HHAT: variants seen among roughly 807,000 people sequenced by gnomAD.
HHAT encodes the protein protein-cysteine N-palmitoyltransferase HHAT.
A neutral mutation model predicts 70.8 loss-of-function variants in HHAT; 47 were observed. The observed-to-expected ratio is 0.66, with a 90% CI of 0.53 to 0.85. The LOEUF (loss-of-function observed/expected upper bound fraction) is 0.85. HHAT is among the 40% of genes least tolerant of loss of function. The probability of loss-of-function intolerance (pLI) is 0.00; values close to 1 mark genes in which losing one functional copy is unlikely to be tolerated. For missense variants in HHAT, 609 were observed against 604.8 expected (o/e 1.01, Z -0.07); for synonymous variants, 228 against 247.6 (o/e 0.92, Z 0.74).
At chr1:210,348,740 T>C (rs1180340926) in intron 1 of HHAT, among the ~76,000 whole-genome samples, 193 bp from the exon 2 acceptor site, 3 of 150,832 alleles carry the variant, frequency 2.0e-5, no homozygotes, top group Non-Finnish European at 4.4e-5. Context: ...TGTGTGCGTG[T>C]GTGTGTGTGT....
At chr1:210,651,557 CA>C (rs995410446) in intron 11 of HHAT, among the ~76,000 whole-genome samples, 2 of 152,124 alleles carry the variant, frequency 1.3e-5, no homozygotes, top group Non-Finnish European at 2.9e-5. Flanking sequence ...AACCTCAGAG[CA>C]GGGGGACTGC....
intron 9 of HHAT, among the ~76,000 whole-genome samples, chr1:210,553,532 A>G (rs1023232463): frequency 2.0e-5 from 3 of 152,246 alleles, no homozygotes; most frequent in African/African-American, 7.2e-5. Flanking sequence ...CCGTCTGGGT[A>G]TCGGAGTTAC....
At chr1:210,647,108 G>A (rs138336054) in intron 11 of HHAT, among the ~76,000 whole-genome samples, 177 of 152,284 alleles carry the variant, frequency 1.2e-3, no homozygotes, top group African/African-American at 4.0e-3. Context: ...TAATCCAAGC[G>A]TCAGAAGCGC....
chr1:210,395,706 A>G (rs76991433), intron 4 of HHAT, among the ~76,000 whole-genome samples: 1,684 of 152,330 alleles, frequency 0.011, 22 homozygotes, highest in African/African-American at 0.033. Context: ...GGGGTTAAGT[A>G]GGACAAGTAG....
intron 9 of HHAT, among the ~76,000 whole-genome samples, chr1:210,574,447 A>C (rs140770720): frequency 6.6e-6 from 1 of 152,368 alleles, no homozygotes; most frequent in African/African-American, 2.4e-5. Context: ...TGATGGGTTT[A>C]ATTTAGGCCA....
At chr1:210,338,009 G>T (rs2085660416) in intron 1 of HHAT, among the ~76,000 whole-genome samples, 1 of 152,140 alleles carries the variant, frequency 6.6e-6, no homozygotes, top group African/African-American at 2.4e-5. Context: ...TGGAGCTTTG[G>T]GTTCAGTTTT....
intron 8 of HHAT, among the ~76,000 whole-genome samples, chr1:210,501,086 C>T (rs1033317869): frequency 6.6e-6 from 1 of 152,220 alleles, no homozygotes; most frequent in African/African-American, 2.4e-5. Flanking sequence ...TGGCATTTGT[C>T]CCTTTGTTCT....
intron 9 of HHAT, among the ~76,000 whole-genome samples, chr1:210,545,080 TA>T (rs552542090): frequency 2.8e-3 from 409 of 145,924 alleles, no homozygotes; most frequent in African/African-American, 6.4e-3. Flanking sequence ...AGAATGGCTT[TA>T]AAAAAAAAAA....
intron 2 of HHAT, 151 bp downstream of exon 2, chr1:210,349,217 A>G (rs2086796691): frequency 5.0e-6 from 4 of 796,354 alleles, no homozygotes; most frequent in Admixed American, 5.9e-5. Flanking sequence ...AGTTTGAATC[A>G]GTGACCTGAG....
At chr1:210,403,469 A>G (rs1276143177) in intron 5 of HHAT, among the ~76,000 whole-genome samples, 1 of 152,234 alleles carries the variant, frequency 6.6e-6, no homozygotes, top group African/African-American at 2.4e-5. Flanking sequence ...ACACTGAGGA[A>G]GGAGATCATG....
At chr1:210,360,436 G>A (rs1176872349) in intron 2 of HHAT, among the ~76,000 whole-genome samples, 1 of 151,702 alleles carries the variant, frequency 6.6e-6, no homozygotes, top group African/African-American at 2.4e-5. Flanking sequence ...TCAGCCTCCC[G>A]AGTAGCTGGG....
At chr1:210,328,702 G>A (rs72743499), upstream of HHAT, among the ~76,000 whole-genome samples, 4 of 152,370 alleles carry the variant, frequency 2.6e-5, no homozygotes, top group East Asian at 5.8e-4. Flanking sequence ...ACACACGGGT[G>A]GGGGAGAGAT....
intron 8 of HHAT, among the ~76,000 whole-genome samples, chr1:210,483,351 G>A (rs957598874): frequency 2.0e-5 from 3 of 152,314 alleles, no homozygotes; most frequent in East Asian, 1.9e-4. Context: ...TTGTTTAGAA[G>A]AGTAGAGAGA....
At chr1:210,494,977 A>C (rs1191373217) in intron 8 of HHAT, among the ~76,000 whole-genome samples, 1 of 152,190 alleles carries the variant, frequency 6.6e-6, no homozygotes, top group Non-Finnish European at 1.5e-5. Flanking sequence ...GGTAGCACTT[A>C]AAACCCAGAG....
intron 7 of HHAT, among the ~76,000 whole-genome samples, chr1:210,424,729 T>G (rs2093010814): frequency 6.6e-6 from 1 of 152,198 alleles, no homozygotes; most frequent in Admixed American, 6.5e-5. Context: ...ATGTACCACA[T>G]TTTCTTTATC....
chr1:210,645,202 C>G (rs1673777266), intron 11 of HHAT, among the ~76,000 whole-genome samples: 1 of 152,162 alleles, frequency 6.6e-6, no homozygotes, highest in Non-Finnish European at 1.5e-5. Context: ...TAGCTGCCTC[C>G]CTACCAGATA....
intron 9 of HHAT, among the ~76,000 whole-genome samples, chr1:210,551,913 G>A (rs1447289273): frequency 6.6e-6 from 1 of 152,208 alleles, no homozygotes; most frequent in Non-Finnish European, 1.5e-5. Flanking sequence ...GTGCCTCAGT[G>A]ATGATTTTCT....
intron 8 of HHAT, among the ~76,000 whole-genome samples, chr1:210,505,586 G>C (rs1332313801): frequency 6.6e-6 from 1 of 152,180 alleles, no homozygotes; most frequent in East Asian, 1.9e-4. Flanking sequence ...AGGGCTTCTT[G>C]AGTCTAGGTA....
At chr1:210,396,682 A>G (rs1302699519) in intron 4 of HHAT, among the ~76,000 whole-genome samples, 2 of 152,218 alleles carry the variant, frequency 1.3e-5, no homozygotes, top group Admixed American at 6.5e-5. Context: ...CCACATTGCA[A>G]ACAGCCTAGA....
Sources: allele counts gnomAD v4.1 joint callset (sites outside exome capture counted in the v4.1 genomes callset), GRCh38; gene constraint gnomAD v4.1.1; transcripts MANE v1.5; gene names NCBI Gene and HGNC (gene_info 2026-07-23, HGNC 2026-07-21).